ZFAT: variants seen among roughly 807,000 people sequenced by gnomAD.
ZFAT encodes the protein zinc finger protein ZFAT.
In ZFAT, 64 loss-of-function variants were observed where a neutral mutation model predicts 117.7. That is an observed-to-expected ratio of 0.54 (90% CI 0.44 to 0.67). The LOEUF (loss-of-function observed/expected upper bound fraction) is 0.67. Ranked by LOEUF, ZFAT falls within the 30% of genes least tolerant of loss-of-function variation. ZFAT has a pLI of 0.00. For missense variants in ZFAT, 1,433 were observed against 1,584.5 expected, an observed-to-expected ratio of 0.90 and a Z score of 1.62; for synonymous variants, 679 against 615.0, an observed-to-expected ratio of 1.10 and a Z score of -1.54.
rs757163521 is a variant in ZFAT at position 134,602,828 on chromosome 8, C to T, written c.891G>A (p.Lys297=). The stretch of plus-strand genomic sequence containing the variant: ...AGCTGCACTGGGGGCACTTGTATGG[C>T]TTTTCATTGGTGTGGATCCTCAGGT... ...QAHLRIHTNE[K]PYKCPQCSYA... is the part of the protein sequence containing the mutation. The change falls in exon 6 of 16, where the codon AAG becomes AAA. Residue 297 remains lysine (K), a synonymous_variant. Transcript: ENST00000377838. 6.2e-7 allele frequency: 1 copy of T among 1,614,174 alleles called. No homozygotes were observed. Among genetic ancestry groups the T allele is most frequent in the Non-Finnish European group, 8.5e-7 (1 of 1,180,032 alleles).
rs77716952 is a variant in ZFAT, at chr8:134,647,420, A to G, written c.197-9708T>C. Among the ~76,000 whole-genome samples, 1,411 of 152,324 alleles carry G rather than the reference A, an allele frequency of 9.3e-3. 20 individuals are homozygous for G. The highest frequency in any genetic ancestry group is 0.032 in the African/African-American group (1,344 of 41,574). ...AACAAACGACAGACCCAGAGCTAAC[A>G]TAATAATCAACGTGAAAAGCTGAAA... is the stretch of plus-strand genomic sequence containing the variant. On this transcript the variant is annotated intron_variant, in intron 2 of 15. Transcript: ENST00000377838.
chr8:134,571,324 G>A (rs768504633), intron 10 of ZFAT, among the ~76,000 whole-genome samples: 2 of 152,250 alleles, frequency 1.3e-5, no homozygotes, highest in Non-Finnish European at 2.9e-5. Flanking sequence ...ATGGAAGGAT[G>A]AGGAGGACCA....
chr8:134,550,935 A>T (rs1823120766), intron 11 of ZFAT, among the ~76,000 whole-genome samples: 1 of 152,170 alleles, frequency 6.6e-6, no homozygotes, highest in African/African-American at 2.4e-5. Flanking sequence ...AAAGCAAGAC[A>T]AACACCACCA....
the ZFAT span, among the ~76,000 whole-genome samples, chr8:134,829,334 G>A: frequency 5.3e-5 from 8 of 152,170 alleles, no homozygotes; most frequent in Non-Finnish European, 1.2e-4. Flanking sequence ...TTCTTCCAAC[G>A]TGGCCCGGGG....
At chr8:134,789,958 C>A in the ZFAT span, among the ~76,000 whole-genome samples, 2 of 152,164 alleles carry the variant, frequency 1.3e-5, no homozygotes, top group Non-Finnish European at 2.9e-5. Flanking sequence ...GAACAGTTCA[C>A]TAGGAAGATG....
the ZFAT span, among the ~76,000 whole-genome samples, chr8:134,762,379 C>T: frequency 2.6e-5 from 4 of 152,302 alleles, no homozygotes; most frequent in South Asian, 4.1e-4. Context: ...CTTTCCCAAC[C>T]TCCAGCTGAA....
chr8:134,485,139 GAGA>G, intron 15 of ZFAT, among the ~76,000 whole-genome samples: 1 of 152,306 alleles, frequency 6.6e-6, no homozygotes, highest in Non-Finnish European at 1.5e-5. Flanking sequence ...CCTAGCTTTA[GAGA>G]AGAGGCAGAC....
chr8:134,718,379 TC>T, the ZFAT span, among the ~76,000 whole-genome samples: 3 of 152,034 alleles, frequency 2.0e-5, no homozygotes, highest in African/African-American at 7.3e-5. Flanking sequence ...GCACCTGTAA[TC>T]CCAGCTACTT....
At chr8:134,760,336 T>C in the ZFAT span, among the ~76,000 whole-genome samples, 6 of 148,886 alleles carry the variant, frequency 4.0e-5, no homozygotes, top group Admixed American at 6.7e-5. Flanking sequence ...TTATAAGCAA[T>C]GCAAAATGCT....
At chr8:134,548,569 C>G (rs1449655179) in intron 11 of ZFAT, among the ~76,000 whole-genome samples, 1 of 152,216 alleles carries the variant, frequency 6.6e-6, no homozygotes, top group East Asian at 1.9e-4. Context: ...GTTCATTATA[C>G]TATTTTCTCT....
chr8:134,718,772 A>T, the ZFAT span, among the ~76,000 whole-genome samples: 74 of 152,326 alleles, frequency 4.9e-4, 1 homozygote, highest in South Asian at 0.015. Flanking sequence ...GTAATTAAGC[A>T]TTTATTTGTA....
At chr8:134,480,771 AT>A (rs1217127442) in intron 15 of ZFAT, among the ~76,000 whole-genome samples, 6 of 152,152 alleles carry the variant, frequency 3.9e-5, no homozygotes, top group African/African-American at 1.4e-4. Context: ...GCAAATTGGC[AT>A]TGGGTGGCCT....
At chr8:134,653,980 T>C (rs551957547) in intron 2 of ZFAT, among the ~76,000 whole-genome samples, 1 of 152,314 alleles carries the variant, frequency 6.6e-6, no homozygotes, top group South Asian at 2.1e-4. Context: ...CCCCATATTA[T>C]ATTGCTTTAA....
At chr8:134,769,898 C>A in the ZFAT span, among the ~76,000 whole-genome samples, 1 of 152,236 alleles carries the variant, frequency 6.6e-6, no homozygotes, top group African/African-American at 2.4e-5. Flanking sequence ...GGCTTGCACC[C>A]TCTGAAGCCA....
intron 1 of ZFAT, among the ~76,000 whole-genome samples, chr8:134,696,117 A>G (rs1459900227): frequency 6.7e-6 from 1 of 149,474 alleles, no homozygotes; most frequent in Non-Finnish European, 1.5e-5. Context: ...CTAACCAAAC[A>G]GGCACCACCC....
At chr8:134,735,880 G>C in the ZFAT span, among the ~76,000 whole-genome samples, 10 of 151,984 alleles carry the variant, frequency 6.6e-5, no homozygotes, top group Admixed American at 2.0e-4. Context: ...AGCACAAGTT[G>C]GGATTTTTTA....
At chr8:134,677,315 C>A (rs1174016602) in intron 1 of ZFAT, among the ~76,000 whole-genome samples, 1 of 152,148 alleles carries the variant, frequency 6.6e-6, no homozygotes, top group Non-Finnish European at 1.5e-5. Context: ...ACTATAAACA[C>A]CTCTATGCAA....
intron 1 of ZFAT, among the ~76,000 whole-genome samples, chr8:134,665,862 C>A (rs144111788): frequency 1.6e-3 from 241 of 152,294 alleles, no homozygotes; most frequent in African/African-American, 5.5e-3. Flanking sequence ...TCTGCCTCCC[C>A]TGAGGTCCTG....
At chr8:134,494,312 T>C (rs1364623230) in intron 15 of ZFAT, among the ~76,000 whole-genome samples, 1 of 152,226 alleles carries the variant, frequency 6.6e-6, no homozygotes, top group African/African-American at 2.4e-5. Context: ...ATCACCCCCG[T>C]GACCATCCTT....
Sources: gnomAD v4.1 joint callset for allele counts (sites outside exome capture counted in the v4.1 genomes callset) on GRCh38, gnomAD v4.1.1 for gene constraint, MANE v1.5 for transcripts, NCBI Gene and HGNC (gene_info 2026-07-23, HGNC 2026-07-21) for gene names.